GPR39: variants seen among roughly 807,000 people sequenced by gnomAD.
GPR39 encodes G protein-coupled receptor 39.
Under a neutral mutation model 18.4 loss-of-function variants are expected in GPR39, and 23 were observed. The observed-to-expected ratio is 1.25, with a 90% confidence interval of 0.90 to 1.77. The LOEUF is 1.77. GPR39 is among the 40% of genes most tolerant of loss of function. The pLI, the probability that GPR39 is intolerant of heterozygous loss-of-function variation, is 0.00. For synonymous variants in GPR39, 280 were observed against 257.9 expected, an observed-to-expected ratio of 1.09 and a Z score of -0.82; for missense variants, 647 against 602.4, an observed-to-expected ratio of 1.07 and a Z score of -0.78.
At chr2:132,521,713 T>C (rs1165502791) in intron 1 of GPR39, among the ~76,000 whole-genome samples, 1 of 152,232 alleles carries the variant, frequency 6.6e-6, no homozygotes, top group African/African-American at 2.4e-5. Context: ...CCCCCCCTTA[T>C]TAAACAAATT....
chr2:132,642,642 G>A (rs536988323), intron 1 of GPR39, among the ~76,000 whole-genome samples: 16 of 152,220 alleles, frequency 1.1e-4, no homozygotes, highest in Non-Finnish European at 2.4e-4. Flanking sequence ...TGTTTCACAA[G>A]CCTGCCTTAT....
chr2:132,595,780 C>T lies in GPR39; in HGVS notation c.857-49321C>T, dbSNP rs74859225. Among the ~76,000 whole-genome samples the T allele has an allele frequency of 8.9e-3, 1,362 of 152,230 alleles. 21 individuals carry two copies. The highest frequency in any genetic ancestry group is 0.031 in the African/African-American group (1,307 of 41,522). ...CTGCCAAGCCCCTGTGTCATGAGAA[C>T]CAGCGCAGCAGCTCCAATTTTACTG... On this transcript the variant is annotated intron_variant, in intron 1 of 1. Transcript: ENST00000329321.
chr2:132,427,764 C>G (rs983016941), intron 1 of GPR39, among the ~76,000 whole-genome samples: 3 of 150,090 alleles, frequency 2.0e-5, no homozygotes, highest in Non-Finnish European at 4.4e-5. Flanking sequence ...CAGACATGAT[C>G]ATAGTGTCCT....
At chr2:132,612,132 C>T (rs2104851040) in intron 1 of GPR39, among the ~76,000 whole-genome samples, 1 of 152,286 alleles carries the variant, frequency 6.6e-6, no homozygotes. Context: ...TCAGGCCAGA[C>T]AATTTTTTGC....
chr2:132,493,277 AC>A (rs1418382949), intron 1 of GPR39, among the ~76,000 whole-genome samples: 1 of 146,326 alleles, frequency 6.8e-6, no homozygotes, highest in Non-Finnish European at 1.5e-5. Context: ...ATATATGTAT[AC>A]CATATATACC....
chr2:132,552,796 ATGTGTGTG>A (rs59345614), intron 1 of GPR39, among the ~76,000 whole-genome samples: 31 of 144,920 alleles, frequency 2.1e-4, no homozygotes, highest in African/African-American at 5.1e-4. Flanking sequence ...ATGTGTATAT[ATGTGTGTG>A]TGTGTGTGTG....
At chr2:132,524,560 G>A (rs1486332844) in intron 1 of GPR39, among the ~76,000 whole-genome samples, 1 of 152,192 alleles carries the variant, frequency 6.6e-6, no homozygotes, top group Admixed American at 6.5e-5. Flanking sequence ...ACACTTGGAG[G>A]TGGGCCTAGT....
At chr2:132,595,240 T>C (rs1393677718) in intron 1 of GPR39, among the ~76,000 whole-genome samples, 2 of 152,140 alleles carry the variant, frequency 1.3e-5, no homozygotes, top group Non-Finnish European at 2.9e-5. Context: ...CCTCATGATC[T>C]GCCCACCTGC....
chr2:132,608,230 A>C (rs1681176274), intron 1 of GPR39, among the ~76,000 whole-genome samples: 1 of 152,196 alleles, frequency 6.6e-6, no homozygotes, highest in African/African-American at 2.4e-5. Flanking sequence ...CAATAATAAA[A>C]CACCTGCTCC....
intron 1 of GPR39, among the ~76,000 whole-genome samples, chr2:132,609,768 T>C (rs1681208117): frequency 6.6e-6 from 1 of 152,170 alleles, no homozygotes; most frequent in Admixed American, 6.5e-5. Context: ...TCAAAACAAA[T>C]CTGGGTCCCA....
intron 1 of GPR39, among the ~76,000 whole-genome samples, chr2:132,566,558 G>C (rs956731317): frequency 2.0e-5 from 3 of 152,180 alleles, no homozygotes; most frequent in African/African-American, 7.2e-5. Context: ...TAGGGTTGCT[G>C]TCTCATTGCT....
At chr2:132,615,795 G>A (rs1036091248) in intron 1 of GPR39, among the ~76,000 whole-genome samples, 3 of 152,158 alleles carry the variant, frequency 2.0e-5, no homozygotes, top group African/African-American at 7.2e-5. Context: ...ACTAGGGTTA[G>A]GCAAGCTAGG....
chr2:132,466,718 T>A (rs1680933832), intron 1 of GPR39, among the ~76,000 whole-genome samples: 1 of 152,224 alleles, frequency 6.6e-6, no homozygotes, highest in Non-Finnish European at 1.5e-5. Flanking sequence ...TGGTCTTTTC[T>A]TTAAGTCTAT....
intron 1 of GPR39, among the ~76,000 whole-genome samples, chr2:132,639,264 G>A (rs192446441): frequency 3.1e-4 from 47 of 152,130 alleles, no homozygotes; most frequent in Admixed American, 7.9e-4. Flanking sequence ...GGGATAAAAG[G>A]GGGATAAGGG....
chr2:132,504,108 G>A (rs1347625429), intron 1 of GPR39, among the ~76,000 whole-genome samples: 1 of 152,176 alleles, frequency 6.6e-6, no homozygotes, highest in Non-Finnish European at 1.5e-5. Flanking sequence ...AGCATCTGTG[G>A]ATTCTCTCAG....
At chr2:132,464,401 T>C (rs1680888682) in intron 1 of GPR39, among the ~76,000 whole-genome samples, 1 of 152,170 alleles carries the variant, frequency 6.6e-6, no homozygotes, top group Non-Finnish European at 1.5e-5. Context: ...AGGATCCCAG[T>C]ATTCCCTAAG....
intron 1 of GPR39, among the ~76,000 whole-genome samples, chr2:132,447,073 G>A (rs1029870504): frequency 6.6e-6 from 1 of 152,180 alleles, no homozygotes; most frequent in Non-Finnish European, 1.5e-5. Flanking sequence ...TGCACCTTTG[G>A]TTGTAAATTG....
At chr2:132,571,689 A>G (rs3109150) in intron 1 of GPR39, among the ~76,000 whole-genome samples, 149,115 of 152,202 alleles carry the variant, frequency 0.98, 73,128 homozygotes, top group East Asian at 1. Flanking sequence ...TGGGTGCACC[A>G]TCTGGGGGTC....
At chr2:132,514,852 C>CT (rs1297948420) in intron 1 of GPR39, among the ~76,000 whole-genome samples, 1 of 152,094 alleles carries the variant, frequency 6.6e-6, no homozygotes, top group Non-Finnish European at 1.5e-5. Flanking sequence ...TTGAACAATC[C>CT]TTTTTTCTCT....
Sources: gnomAD v4.1 joint callset for allele counts (sites outside exome capture counted in the v4.1 genomes callset) on GRCh38, gnomAD v4.1.1 for gene constraint, MANE v1.5 for transcripts, NCBI Gene and HGNC (gene_info 2026-07-23, HGNC 2026-07-21) for gene names.